Variants in DPP10 observed in about 807,000 individuals in gnomAD.
DPP10 encodes dipeptidyl peptidase like 10, also known as inactive dipeptidyl peptidase 10.
A neutral mutation model predicts 120.9 loss-of-function variants in DPP10; 33 were observed. The ratio of observed to expected loss-of-function variants is 0.27; its 90% CI spans 0.21 to 0.37. The LOEUF (loss-of-function observed/expected upper bound fraction) is 0.37. Among genes scored for constraint, DPP10 ranks in the 10% least tolerant of loss-of-function variants. The pLI is 1.00. For synonymous variants in DPP10, 337 were observed against 326.1 expected (o/e 1.03, Z -0.36); for missense variants, 816 against 942.8 (o/e 0.87, Z 1.76).
intron 4 of DPP10, among the ~76,000 whole-genome samples, chr2:115,506,254 T>G (rs1039928204): frequency 6.6e-6 from 1 of 152,096 alleles, no homozygotes; most frequent in Non-Finnish European, 1.5e-5. Context: ...TATATTAAAT[T>G]AGTATTTTAG....
chr2:115,342,201 G>A (rs948928494), intron 2 of DPP10: 2 of 448,162 alleles, frequency 4.5e-6, no homozygotes, highest in African/African-American at 2.0e-5. Flanking sequence ...GTGTGTGTGT[G>A]TGTAATTTGT....
Position 115,625,432 on chromosome 2 carries a change from T to C in DPP10, c.442-64255T>C, listed in dbSNP as rs2085284989. On this transcript the variant is annotated intron_variant, in intron 5 of 25. Coordinates refer to ENST00000410059, the MANE Select transcript of DPP10 (RefSeq NM_020868.6). ...GAAGTATCTGCAACAGTGGAGATTA[T>C]TGACCTATTCAGTTTTAGACTTCAT... 3.3e-5 allele frequency among the ~76,000 whole-genome samples: 5 copies of C among 152,278 alleles called. No individual in the cohort carries two copies. In the South Asian group the frequency reaches 1.0e-3, roughly 32 times the overall value.
At chr2:115,603,574 T>G (rs867108124) in intron 5 of DPP10, among the ~76,000 whole-genome samples, 13 of 137,100 alleles carry the variant, frequency 9.5e-5, no homozygotes, top group Admixed American at 3.5e-4. Flanking sequence ...TTTTTTGTTT[T>G]TTTTTTTTTT....
intron 1 of DPP10, among the ~76,000 whole-genome samples, chr2:114,571,213 G>A (rs1273786446): frequency 6.6e-6 from 1 of 152,142 alleles, no homozygotes; most frequent in Non-Finnish European, 1.5e-5. Context: ...GGTGTCTAAT[G>A]GGTTAGCACC....
chr2:114,834,980 TAAAAGAC>T, intron 1 of DPP10, among the ~76,000 whole-genome samples: 1 of 149,896 alleles, frequency 6.7e-6, no homozygotes, highest in Non-Finnish European at 1.5e-5. Context: ...CCTATGTATA[TAAAAGAC>T]ATATCTACAC....
At chr2:114,590,142 T>C (rs769790651) in intron 1 of DPP10, among the ~76,000 whole-genome samples, 22 of 152,142 alleles carry the variant, frequency 1.4e-4, no homozygotes, top group Admixed American at 4.6e-4. Context: ...TGCAGCACAA[T>C]TTACAAACAC....
chr2:115,766,675 A>C (rs1680803277), intron 12 of DPP10, among the ~76,000 whole-genome samples: 1 of 152,118 alleles, frequency 6.6e-6, no homozygotes, highest in South Asian at 2.1e-4. Flanking sequence ...ATTGGCTCAC[A>C]GTACTGCAGG....
chr2:114,973,279 A>G (rs1048421842), intron 1 of DPP10, among the ~76,000 whole-genome samples: 2 of 151,872 alleles, frequency 1.3e-5, no homozygotes, highest in African/African-American at 4.8e-5. Flanking sequence ...TATAGAACAT[A>G]ATCCTTGATA....
At chr2:114,797,741 A>T (rs1437558232) in intron 1 of DPP10, among the ~76,000 whole-genome samples, 4 of 152,240 alleles carry the variant, frequency 2.6e-5, no homozygotes, top group Non-Finnish European at 4.4e-5. Flanking sequence ...GAAGATTCCA[A>T]ACAACAGCGT....
intron 1 of DPP10, among the ~76,000 whole-genome samples, chr2:114,928,979 C>T (rs1310287258): frequency 6.6e-6 from 1 of 152,098 alleles, no homozygotes; most frequent in Non-Finnish European, 1.5e-5. Flanking sequence ...TTCTATTTTC[C>T]CTAAGTGTCA....
intron 1 of DPP10, among the ~76,000 whole-genome samples, chr2:114,849,348 T>A (rs908191426): frequency 6.6e-6 from 1 of 152,162 alleles, no homozygotes; most frequent in Non-Finnish European, 1.5e-5. Context: ...TATATTTTTT[T>A]AAATTTAATT....
chr2:114,880,355 A>C (rs1691506219), intron 1 of DPP10, among the ~76,000 whole-genome samples: 1 of 152,160 alleles, frequency 6.6e-6, no homozygotes, highest in Admixed American at 6.6e-5. Context: ...CATATTCGAG[A>C]CTTCAAAGCA....
intron 2 of DPP10, among the ~76,000 whole-genome samples, chr2:115,321,090 A>C (rs1168965702): frequency 2.6e-5 from 4 of 152,178 alleles, no homozygotes; most frequent in Non-Finnish European, 5.9e-5. Context: ...ACCTGAGGCC[A>C]GGAGTTTGAG....
intron 1 of DPP10, among the ~76,000 whole-genome samples, chr2:115,008,265 A>G (rs1702003373): frequency 1.7e-5 from 2 of 116,810 alleles, no homozygotes; most frequent in African/African-American, 3.1e-5. Context: ...GCCCTCAGAA[A>G]TAATGCCGCA....
intron 1 of DPP10, among the ~76,000 whole-genome samples, chr2:114,491,534 T>G (rs1157235585): frequency 6.6e-6 from 1 of 152,198 alleles, no homozygotes; most frequent in East Asian, 1.9e-4. Flanking sequence ...CCCTCCAGTT[T>G]GTCACACACA....
intron 5 of DPP10, among the ~76,000 whole-genome samples, chr2:115,582,180 G>T (rs1209522935): frequency 6.6e-6 from 1 of 152,122 alleles, no homozygotes; most frequent in Non-Finnish European, 1.5e-5. Context: ...CTTCTCCCCT[G>T]ATTTTTCCTT....
chr2:114,696,876 T>C (rs1700099521), intron 1 of DPP10, among the ~76,000 whole-genome samples: 1 of 152,084 alleles, frequency 6.6e-6, no homozygotes, highest in Non-Finnish European at 1.5e-5. Flanking sequence ...GTTTCAATTA[T>C]GGCATTTTGC....
intron 3 of DPP10, among the ~76,000 whole-genome samples, chr2:115,471,064 T>C (rs2074682056): frequency 1.3e-5 from 2 of 152,198 alleles, no homozygotes; most frequent in African/African-American, 4.8e-5. Flanking sequence ...ATAATGATAA[T>C]AGAATCTGAG....
intron 1 of DPP10, among the ~76,000 whole-genome samples, chr2:114,554,547 A>C (rs969352360): frequency 6.6e-6 from 1 of 152,156 alleles, no homozygotes; most frequent in Non-Finnish European, 1.5e-5. Flanking sequence ...AATAGTTGAC[A>C]TGAGGTTGTG....
Sources: gnomAD v4.1 joint callset for allele counts (sites outside exome capture counted in the v4.1 genomes callset) on GRCh38, gnomAD v4.1.1 for gene constraint, MANE v1.5 for transcripts, NCBI Gene and HGNC (gene_info 2026-07-23, HGNC 2026-07-21) for gene names.